PDE4D: variants seen among roughly 807,000 people sequenced by gnomAD.
The protein encoded by PDE4D is 3',5'-cyclic-AMP phosphodiesterase 4D.
Under a neutral mutation model 87.4 loss-of-function variants are expected in PDE4D, and 24 were observed. The ratio of observed to expected loss-of-function variants is 0.27; its 90% confidence interval spans 0.20 to 0.39. The LOEUF (loss-of-function observed/expected upper bound fraction) is 0.39. PDE4D is among the 10% of genes least tolerant of loss of function. The pLI, the probability that PDE4D is intolerant of heterozygous loss-of-function variation, is 1.00. For synonymous variants in PDE4D, 384 were observed against 383.2 expected, an observed-to-expected ratio of 1.00 and a Z score of -0.02; for missense variants, 714 against 1,041.0, an observed-to-expected ratio of 0.69 and a Z score of 4.32.
intron 1 of PDE4D, among the ~76,000 whole-genome samples, chr5:59,733,450 T>C (rs1196605356): frequency 6.6e-6 from 1 of 152,010 alleles, no homozygotes; most frequent in African/African-American, 2.4e-5. Flanking sequence ...AGTTCCAGTG[T>C]CTCCCATACC....
intron 2 of PDE4D, among the ~76,000 whole-genome samples, chr5:60,150,006 TTATA>T (rs954828375): frequency 2.0e-5 from 3 of 147,140 alleles, no homozygotes; most frequent in East Asian, 2.0e-4. Flanking sequence ...GTGTATATAA[TTATA>T]TATATTAGTG....
At chr5:59,657,392 T>C (rs1744541101) in intron 1 of PDE4D, among the ~76,000 whole-genome samples, 1 of 152,188 alleles carries the variant, frequency 6.6e-6, no homozygotes, top group Middle Eastern at 3.2e-3. Context: ...TAAGTAGATT[T>C]TTTTCATCAC....
chr5:59,540,673 A>T (rs975477507), intron 1 of PDE4D, among the ~76,000 whole-genome samples: 3 of 152,162 alleles, frequency 2.0e-5, no homozygotes, highest in African/African-American at 7.2e-5. Flanking sequence ...TCTCATAGCC[A>T]CAAAGGAAGG....
chr5:59,426,789 A>G (rs1465464347), intron 1 of PDE4D, among the ~76,000 whole-genome samples: 1 of 148,922 alleles, frequency 6.7e-6, no homozygotes, highest in Non-Finnish European at 1.5e-5. Flanking sequence ...TTCCATTTTG[A>G]TTAAAAAAAA....
At chr5:59,668,748 GAAGAAGA>G (rs1400408494) in intron 1 of PDE4D, among the ~76,000 whole-genome samples, 8 of 133,362 alleles carry the variant, frequency 6.0e-5, no homozygotes, top group Middle Eastern at 3.6e-3. Flanking sequence ...AGAAGAAGAA[GAAGAAGA>G]AAGAAGAAAG....
At chr5:59,034,281 G>A (rs997831508) in intron 6 of PDE4D, among the ~76,000 whole-genome samples, 5 of 152,052 alleles carry the variant, frequency 3.3e-5, no homozygotes, top group African/African-American at 9.7e-5. Flanking sequence ...GAAATTTAAA[G>A]TTTGTATTTA....
intron 1 of PDE4D, among the ~76,000 whole-genome samples, chr5:59,446,302 T>C (rs955585749): frequency 6.6e-6 from 1 of 152,184 alleles, no homozygotes; most frequent in African/African-American, 2.4e-5. Context: ...TCTTCAAACA[T>C]GTATACCATA....
At position 59,799,388 on chromosome 5, in the gene PDE4D, C is replaced by A. The variant is rs181089982; in HGVS notation, c.455+93780G>T. Among the ~76,000 whole-genome samples, 493 of 152,208 alleles carry A rather than the reference C, an allele frequency of 3.2e-3. 3 individuals carry two copies. The highest frequency in any genetic ancestry group is 0.024 in the South Asian group (116 of 4,822). On this transcript the variant is annotated intron_variant, in intron 1 of 14. Transcript: ENST00000340635. ...AGTAAAACCACATGGGAAGAATTCCCGCAGAACATGAGAAACAGAACTTGA... is the reference window on the plus strand; with the variant it reads ...AGTAAAACCACATGGGAAGAATTCCAGCAGAACATGAGAAACAGAACTTGA...
chr5:59,372,736 C>T (rs1220703868), intron 1 of PDE4D, among the ~76,000 whole-genome samples: 3 of 152,230 alleles, frequency 2.0e-5, no homozygotes, highest in South Asian at 2.1e-4. Context: ...GCCTCTGCCA[C>T]TCTGGTGAAC....
At chr5:59,579,154 T>G (rs976532004) in intron 1 of PDE4D, among the ~76,000 whole-genome samples, 1 of 152,220 alleles carries the variant, frequency 6.6e-6, no homozygotes, top group Admixed American at 6.5e-5. Flanking sequence ...ATCAAGTCAG[T>G]TAAGTTGTTT....
At chr5:59,701,337 C>A (rs563577537) in intron 1 of PDE4D, among the ~76,000 whole-genome samples, 1 of 152,120 alleles carries the variant, frequency 6.6e-6, no homozygotes, top group Non-Finnish European at 1.5e-5. Context: ...TGATAATCTA[C>A]GTAAATATTT....
chr5:59,579,642 C>A (rs778202510), intron 1 of PDE4D, among the ~76,000 whole-genome samples: 5 of 152,140 alleles, frequency 3.3e-5, no homozygotes, highest in African/African-American at 1.2e-4. Flanking sequence ...CAGAGATAGG[C>A]AGTTTGAACA....
At chr5:60,349,740 A>G (rs1259192589) in intron 1 of PDE4D, among the ~76,000 whole-genome samples, 1 of 152,170 alleles carries the variant, frequency 6.6e-6, no homozygotes, top group Non-Finnish European at 1.5e-5. Context: ...TATAGCAGGT[A>G]AGTAAATCCT....
intron 11 of PDE4D, among the ~76,000 whole-genome samples, chr5:58,987,341 T>TA (rs1003030999): frequency 3.3e-5 from 5 of 152,164 alleles, no homozygotes; most frequent in South Asian, 4.1e-4. Flanking sequence ...ACTAAACTTG[T>TA]AAAAAAATAC....
chr5:59,246,834 T>C (rs1411434292), intron 1 of PDE4D, among the ~76,000 whole-genome samples: 7 of 152,160 alleles, frequency 4.6e-5, no homozygotes, highest in Non-Finnish European at 1.0e-4. Flanking sequence ...CCAGATGAAG[T>C]GAGACTATTT....
At chr5:60,434,273 G>A (rs960466834) in intron 1 of PDE4D, among the ~76,000 whole-genome samples, 1 of 152,142 alleles carries the variant, frequency 6.6e-6, no homozygotes, top group African/African-American at 2.4e-5. Flanking sequence ...ATGGTTGTAA[G>A]ATTCGGCACT....
chr5:60,129,516 G>T (rs1309350681), intron 2 of PDE4D, among the ~76,000 whole-genome samples: 2 of 152,288 alleles, frequency 1.3e-5, no homozygotes, highest in East Asian at 3.9e-4. Context: ...CTCTCTCCCA[G>T]GTAGGACCAG....
intron 1 of PDE4D, among the ~76,000 whole-genome samples, chr5:59,621,159 TTCAGGTGGCTG>T (rs1382035625): frequency 1.3e-5 from 2 of 152,192 alleles, no homozygotes; most frequent in African/African-American, 2.4e-5. Context: ...ATCTTCACAC[TTCAGGTGGCTG>T]TCTTAGATTT....
chr5:59,187,922 C>T (rs1743304580), intron 3 of PDE4D, among the ~76,000 whole-genome samples: 2 of 151,518 alleles, frequency 1.3e-5, no homozygotes, highest in African/African-American at 4.9e-5. Flanking sequence ...TTGTCTTGGG[C>T]CTCGCTGACT....
Sources: gnomAD v4.1 joint callset for allele counts (sites outside exome capture counted in the v4.1 genomes callset) on GRCh38, gnomAD v4.1.1 for gene constraint, MANE v1.5 for transcripts, NCBI Gene and HGNC (gene_info 2026-07-23, HGNC 2026-07-21) for gene names.